The following RIMS1 variants were observed in gnomAD, a reference collection of about 807,000 sequenced individuals.
RIMS1 encodes regulating synaptic membrane exocytosis protein 1.
In RIMS1, 83 loss-of-function variants were observed where a neutral mutation model predicts 214.1. The observed-to-expected ratio is 0.39, with a 90% CI of 0.32 to 0.47. The LOEUF is 0.47. Ranked by LOEUF, RIMS1 falls within the 20% of genes least tolerant of loss-of-function variation. The probability of loss-of-function intolerance (pLI) is 0.99; values close to 1 mark genes in which losing one functional copy is unlikely to be tolerated. For synonymous variants in RIMS1, 793 were observed against 786.8 expected (o/e 1.01, Z -0.13); for missense variants, 2,050 against 2,161.8 (o/e 0.95, Z 1.03).
intron 29 of RIMS1, among the ~76,000 whole-genome samples, chr6:72,349,943 A>G (rs2097386328): frequency 6.6e-6 from 1 of 152,104 alleles, no homozygotes; most frequent in East Asian, 1.9e-4. Flanking sequence ...AAACATACTA[A>G]TTGTCATAGG....
intron 29 of RIMS1, 133 bp from the exon 30 acceptor site, chr6:72,390,465 C>T: frequency 9.5e-7 from 1 of 1,053,362 alleles, no homozygotes; most frequent in South Asian, 1.7e-5. Context: ...CAAAGTACTC[C>T]CTTAGGTTAC....
At chr6:72,296,001 T>G (rs748073163) in intron 26 of RIMS1, 9 of 320,716 alleles carry the variant, frequency 2.8e-5, no homozygotes, top group Admixed American at 2.6e-4. Context: ...CCATTTAATA[T>G]TGTTACTTTT....
chr6:71,967,803 TACTG>T, intron 1 of RIMS1, among the ~76,000 whole-genome samples: 1 of 152,240 alleles, frequency 6.6e-6, no homozygotes, highest in East Asian at 1.9e-4. Context: ...TTCGGCATCT[TACTG>T]ACCTTGTTTG....
At chr6:72,233,944 G>T in intron 7 of RIMS1, 104 bp downstream of exon 7, 2 of 713,246 alleles carry the variant, frequency 2.8e-6, no homozygotes, top group African/African-American at 3.6e-5. Context: ...TTTGGTAAGG[G>T]CAAATATTGA....
intron 28 of RIMS1, among the ~76,000 whole-genome samples, chr6:72,319,454 A>C (rs1345673341): frequency 6.6e-6 from 1 of 152,150 alleles, no homozygotes; most frequent in East Asian, 1.9e-4. Context: ...GTGAGCCTGA[A>C]GTTAAGGGAA....
rs952761594 is a variant in RIMS1, at chr6:71,892,180, A to G, written c.164+4993A>G. Among the ~76,000 whole-genome samples, 5 of 152,324 alleles carry G rather than the reference A, an allele frequency of 3.3e-5. No individual in the cohort carries two copies. The East Asian group carries it at 9.6e-4, about 29-fold the overall frequency. On this transcript the variant is annotated intron_variant, in intron 1 of 33. Transcript: ENST00000521978. The stretch of plus-strand genomic sequence containing the variant: ...TTCTTTTAAGTCTTTAAAAAAGTGC[A>G]TTGAGTGCTGGCTATTATGATTTGT...
chr6:72,121,006 G>A (rs1034709440), intron 4 of RIMS1, among the ~76,000 whole-genome samples: 5 of 151,718 alleles, frequency 3.3e-5, no homozygotes, highest in African/African-American at 9.7e-5. Context: ...TGTTCCATTG[G>A]TCTATATCTC....
At chr6:72,062,860 A>G (rs1262445061) in intron 2 of RIMS1, among the ~76,000 whole-genome samples, 1 of 151,980 alleles carries the variant, frequency 6.6e-6, no homozygotes, top group Non-Finnish European at 1.5e-5. Flanking sequence ...CACAAGGCAC[A>G]TCATCTTTCC....
chr6:72,245,735 C>A (rs2069204687), intron 10 of RIMS1, 80 bp from the exon 11 acceptor site: 12 of 1,092,940 alleles, frequency 1.1e-5, no homozygotes, highest in Admixed American at 3.6e-5. Context: ...GGATTTTTCA[C>A]ATCACGTATA....
In RIMS1 at chr6:72,214,202, T is replaced by G. The variant is rs570633278; in HGVS notation, c.1679-19571T>G. Among the ~76,000 whole-genome samples, 4 of 152,296 alleles carry G rather than the reference T, an allele frequency of 2.6e-5. No individual in the cohort carries two copies. In the South Asian group the frequency reaches 8.3e-4, roughly 32 times the overall value. On this transcript the variant is annotated intron_variant, in intron 6 of 33. Transcript: ENST00000521978. ...TTTGATTCTGTAATTTTGAAATCCA[T>G]GAATACCATTTTGATTAATAAACCC... is the stretch of plus-strand genomic sequence containing the variant.
chr6:72,311,297 C>A (rs1592963101), intron 27 of RIMS1, among the ~76,000 whole-genome samples: 1 of 152,142 alleles, frequency 6.6e-6, no homozygotes, highest in East Asian at 1.9e-4. Context: ...TGTAACGCAG[C>A]AACAGTGTTA....
intron 16 of RIMS1, among the ~76,000 whole-genome samples, chr6:72,256,395 A>G (rs999224843): frequency 2.2e-4 from 34 of 152,144 alleles, no homozygotes; most frequent in African/African-American, 7.5e-4. Context: ...TTGTTTCCTT[A>G]AAGTCCCTTC....
chr6:71,946,964 A>T (rs933322666), intron 1 of RIMS1, among the ~76,000 whole-genome samples: 1 of 152,132 alleles, frequency 6.6e-6, no homozygotes, highest in African/African-American at 2.4e-5. Context: ...TAACCTGATT[A>T]AAAAATGGAC....
chr6:71,965,898 C>G (rs1362427476), intron 1 of RIMS1, among the ~76,000 whole-genome samples: 1 of 152,024 alleles, frequency 6.6e-6, no homozygotes, highest in Non-Finnish European at 1.5e-5. Context: ...GAGACAGACC[C>G]CTTAAAAGCT....
At chr6:71,892,768 C>T (rs1365802688) in intron 1 of RIMS1, among the ~76,000 whole-genome samples, 2 of 152,102 alleles carry the variant, frequency 1.3e-5, no homozygotes, top group Non-Finnish European at 2.9e-5. Context: ...TTAGGTCAGG[C>T]ATTAGGCTGC....
chr6:72,220,497 G>GA, intron 6 of RIMS1, among the ~76,000 whole-genome samples: 1 of 152,026 alleles, frequency 6.6e-6, no homozygotes, highest in Admixed American at 6.5e-5. Flanking sequence ...TTCAGTGGTA[G>GA]AAAAAGTCCT....
intron 2 of RIMS1, among the ~76,000 whole-genome samples, chr6:72,069,230 A>G (rs1830041721): frequency 6.6e-6 from 1 of 152,184 alleles, no homozygotes; most frequent in African/African-American, 2.4e-5. Flanking sequence ...GCTGTAGGAG[A>G]TGCCAGTGGC....
intron 19 of RIMS1, chr6:72,263,919 G>A (rs2079232755): frequency 1.2e-5 from 4 of 345,978 alleles, no homozygotes; most frequent in Non-Finnish European, 1.6e-5. Flanking sequence ...CTTGAACCCA[G>A]GAGGCAGAGG....
rs186231502 is a variant in RIMS1 at position 72,157,547 on chromosome 6, A to G, written c.472-22028A>G. 6.7e-3 allele frequency among the ~76,000 whole-genome samples: 942 copies of G among 140,554 alleles called. 63 individuals are homozygous for G. The highest frequency in any genetic ancestry group is 0.021 in the African/African-American group (838 of 40,744). The allele number at this position is 140,554 out of a possible 152,430, so 92.2% of individuals were successfully genotyped here. On this transcript the variant is annotated intron_variant, in intron 4 of 33. Coordinates refer to ENST00000521978, the MANE Select transcript of RIMS1 (RefSeq NM_014989.7). Reference sequence around the variant, plus strand: ...CTCCTTTTCATCTCTAGTAAGGTTTACTGCATCAAGTCTACTTTGTGTGAT... The same window carrying G: ...CTCCTTTTCATCTCTAGTAAGGTTTGCTGCATCAAGTCTACTTTGTGTGAT...
Sources: allele counts gnomAD v4.1 joint callset (sites outside exome capture counted in the v4.1 genomes callset), GRCh38; gene constraint gnomAD v4.1.1; transcripts MANE v1.5; gene names NCBI Gene and HGNC (gene_info 2026-07-23, HGNC 2026-07-21).